IGF2R: variants seen among roughly 807,000 people sequenced by gnomAD.
The protein encoded by IGF2R is insulin like growth factor 2 receptor, also known as cation-independent mannose-6-phosphate receptor.
IGF2R carries 91 observed loss-of-function variants against 270.6 expected under a neutral mutation model. That is an observed-to-expected ratio of 0.34 (90% CI 0.28 to 0.40). IGF2R has a LOEUF of 0.40. Ranked by LOEUF, IGF2R falls within the 10% of genes least tolerant of loss-of-function variation. The pLI is 1.00. For missense variants in IGF2R, 2,805 were observed against 3,188.3 expected, an observed-to-expected ratio of 0.88 and a Z score of 2.90; for synonymous variants, 1,316 against 1,258.9, an observed-to-expected ratio of 1.05 and a Z score of -0.96.
chr6:160,012,255 C>T (rs368645567), intron 4 of IGF2R, among the ~76,000 whole-genome samples: 4 of 152,100 alleles, frequency 2.6e-5, no homozygotes, highest in East Asian at 1.9e-4. Context: ...ATACTGTTAG[C>T]GGTGGGAAAA....
intron 1 of IGF2R, among the ~76,000 whole-genome samples, chr6:159,984,355 G>A (rs1333941343): frequency 2.0e-5 from 3 of 152,068 alleles, no homozygotes; most frequent in Non-Finnish European, 4.4e-5. Flanking sequence ...TAATACTGCT[G>A]TAAACGAACC....
chr6:160,076,153 C>A (rs1562369516), intron 36 of IGF2R, among the ~76,000 whole-genome samples, 157 bp downstream of exon 36: 1 of 152,222 alleles, frequency 6.6e-6, no homozygotes, highest in Admixed American at 6.5e-5. Context: ...ATAATTTAAA[C>A]CACTGATTGA....
chr6:160,037,316 C>T (rs997678103), intron 10 of IGF2R, among the ~76,000 whole-genome samples: 4 of 152,210 alleles, frequency 2.6e-5, no homozygotes, highest in Non-Finnish European at 4.4e-5. Context: ...AAAATACTTA[C>T]ATTTCCTTCC....
At chr6:160,093,212 C>G (rs1490516612) in intron 44 of IGF2R, 1 of 168,926 alleles carries the variant, frequency 5.9e-6, no homozygotes, top group African/African-American at 2.4e-5. Flanking sequence ...AGGTGCTTCC[C>G]CAAGCCTTGG....
At chr6:159,975,821 G>A (rs1402842543) in intron 1 of IGF2R, among the ~76,000 whole-genome samples, 15 of 146,984 alleles carry the variant, frequency 1.0e-4, no homozygotes, top group South Asian at 6.4e-4. Flanking sequence ...ATATACACAC[G>A]CACATATATA....
chr6:160,062,221 T>A (rs1240684053), intron 25 of IGF2R, among the ~76,000 whole-genome samples: 1 of 145,790 alleles, frequency 6.9e-6, no homozygotes, highest in African/African-American at 2.6e-5. Flanking sequence ...TCACCCAGGC[T>A]GGAGTGCAGT....
chr6:159,978,521 G>A (rs1783729156), intron 1 of IGF2R, among the ~76,000 whole-genome samples: 1 of 152,128 alleles, frequency 6.6e-6, no homozygotes, highest in South Asian at 2.1e-4. Flanking sequence ...AGGGGGTCCT[G>A]TCCTCACTTA....
intron 31 of IGF2R, 128 bp from the exon 32 acceptor site, chr6:160,071,782 G>A: frequency 2.4e-6 from 3 of 1,257,842 alleles, no homozygotes; most frequent in Non-Finnish European, 1.1e-6. Flanking sequence ...TCATCCCACA[G>A]GCACATGGAG....
chr6:160,005,992 C>T lies in IGF2R; in HGVS notation c.290-3018C>T, dbSNP rs552803520. ...GCCCGCCGCCTCGCCGCGCCCCTCG[C>T]CTCCTCATGCCCCTCCGCGCCCCAT... On this transcript the variant is annotated intron_variant, in intron 2 of 47. Transcript: ENST00000356956. 18 of 160,362 alleles carry T rather than the reference C, an allele frequency of 1.1e-4. No homozygotes were observed. The South Asian group carries it at 2.4e-3, about 22-fold the overall frequency. 9.9% of individuals were successfully genotyped at this position (160,362 alleles called of 1,614,324 possible).
chr6:159,977,143 C>T (rs1216930898), intron 1 of IGF2R, among the ~76,000 whole-genome samples: 7 of 152,178 alleles, frequency 4.6e-5, no homozygotes, highest in Non-Finnish European at 8.8e-5. Context: ...TCTGCGTGGA[C>T]GCTGTAGCTT....
chr6:160,008,150 T>C (rs1221390496), intron 2 of IGF2R, among the ~76,000 whole-genome samples: 1 of 152,228 alleles, frequency 6.6e-6, no homozygotes, highest in African/African-American at 2.4e-5. Flanking sequence ...CATTCTGGGC[T>C]GTATGTGGCC....
intron 1 of IGF2R, among the ~76,000 whole-genome samples, chr6:159,986,069 C>A (rs1486544543): frequency 1.3e-5 from 2 of 152,152 alleles, no homozygotes; most frequent in East Asian, 3.9e-4. Flanking sequence ...AGTGGACAAG[C>A]CGCTTCTGTG....
chr6:160,070,791 G>A (rs1056028272), intron 31 of IGF2R, among the ~76,000 whole-genome samples: 2 of 152,178 alleles, frequency 1.3e-5, no homozygotes, highest in Non-Finnish European at 1.5e-5. Context: ...GCTCTCCAGC[G>A]GTGGGCAGCA....
intron 39 of IGF2R, among the ~76,000 whole-genome samples, chr6:160,080,501 G>A (rs2115282814): frequency 6.6e-6 from 1 of 152,350 alleles, no homozygotes. Context: ...GAGATGCTGT[G>A]CTGGGTGGCT....
intron 11 of IGF2R, among the ~76,000 whole-genome samples, chr6:160,042,078 G>C (rs931948349): frequency 6.6e-6 from 1 of 151,968 alleles, no homozygotes; most frequent in Non-Finnish European, 1.5e-5. Context: ...TCAATCTACA[G>C]ACTTCCTGAC....
chr6:160,059,195 C>A, intron 22 of IGF2R, 97 bp downstream of exon 22: 2 of 991,886 alleles, frequency 2.0e-6, no homozygotes, highest in East Asian at 2.4e-5. Flanking sequence ...GCACATCCCC[C>A]GCCACCATGG....
In IGF2R at chr6:160,105,924, TGTGTGTGTGTGTGTGA is replaced by T. The variant is rs1779607215; in HGVS notation, c.*844_*859del. The stretch of plus-strand genomic sequence containing the variant: ...GTGTGTTTGTGTGTGTGTGTGTGTG[TGTGTGTGTGTGTGTGA>T]GTGGAGTTGAGGTGTCAGAGAAAAT... On this transcript the variant is annotated 3_prime_UTR_variant, in exon 48 of 48. Transcript: ENST00000356956. The T allele has an allele frequency of 1.3e-5, 2 of 152,334 alleles. No individual in the cohort carries two copies. The highest frequency in any genetic ancestry group is 6.6e-5 in the Admixed American group (1 of 15,246). 9.4% of individuals were successfully genotyped at this position (152,334 alleles called of 1,614,324 possible).
intron 25 of IGF2R, among the ~76,000 whole-genome samples, chr6:160,062,168 ATTTTTTTTTT>A: frequency 9.4e-6 from 1 of 106,618 alleles, no homozygotes; most frequent in South Asian, 3.1e-4. Context: ...CATTTATTTA[ATTTTTTTTTT>A]TTTTTTTTTT....
At chr6:159,980,203 GAAAGAAAGAAAGA>G (rs1783765064) in intron 1 of IGF2R, among the ~76,000 whole-genome samples, 1 of 76,966 alleles carries the variant, frequency 1.3e-5, no homozygotes, top group African/African-American at 5.1e-5. Flanking sequence ...AAGAAAGAAA[GAAAGAAAGAAAGA>G]AAGAAAGAAA....
Sources: allele counts gnomAD v4.1 joint callset (sites outside exome capture counted in the v4.1 genomes callset), GRCh38; gene constraint gnomAD v4.1.1; transcripts MANE v1.5; gene names NCBI Gene and HGNC (gene_info 2026-07-23, HGNC 2026-07-21).